The following PKHD1L1 variants were observed in gnomAD, a reference collection of about 807,000 sequenced individuals.
PKHD1L1 encodes PKHD1 like 1.
Under a neutral mutation model 462.9 loss-of-function variants are expected in PKHD1L1, and 434 were observed. The ratio of observed to expected loss-of-function variants is 0.94; its 90% CI spans 0.87 to 1.02. PKHD1L1 has a LOEUF of 1.02. Ranked by LOEUF, PKHD1L1 falls within the 50% of genes least tolerant of loss-of-function variation. PKHD1L1 has a pLI of 0.00. For missense variants in PKHD1L1, 5,202 were observed against 5,096.1 expected (o/e 1.02, Z -0.63); for synonymous variants, 1,781 against 1,750.0 (o/e 1.02, Z -0.44).
intron 19 of PKHD1L1, among the ~76,000 whole-genome samples, chr8:109,411,608 C>G (rs1468807335): frequency 6.6e-6 from 1 of 152,182 alleles, no homozygotes; most frequent in Non-Finnish European, 1.5e-5. Context: ...CATGCTGCAC[C>G]TAACCTTACA....
chr8:109,497,431 T>A (rs1819158536), intron 65 of PKHD1L1, among the ~76,000 whole-genome samples, 159 bp downstream of exon 65: 1 of 45,198 alleles, frequency 2.2e-5, no homozygotes, highest in African/African-American at 9.1e-5. Flanking sequence ...AAAACCGTTC[T>A]TTTTTTTTTT....
At chr8:109,376,392 G>A (rs184095026) in intron 2 of PKHD1L1, among the ~76,000 whole-genome samples, 8 of 152,264 alleles carry the variant, frequency 5.3e-5, no homozygotes, top group East Asian at 1.9e-4. Flanking sequence ...TCCAGGTGCC[G>A]TCTGTCACCC....
intron 51 of PKHD1L1, among the ~76,000 whole-genome samples, chr8:109,475,544 CTGAGAG>C (rs1817938232): frequency 6.6e-6 from 1 of 152,036 alleles, no homozygotes; most frequent in Non-Finnish European, 1.5e-5. Context: ...CTTACCTTTA[CTGAGAG>C]TTTATGATAT....
Position 109,413,473 on chromosome 8 carries a change from A to G in PKHD1L1, c.2288A>G (p.Gln763Arg). Reference protein sequence around the residue: ...FLANYIGLKFQYQDNSKITRS... With the variant: ...FLANYIGLKFRYQDNSKITRS... ...GCAAATTATATTGGTCTAAAATTTC[A>G]GTACCAAGACAATAGCAAGATTACT... Residue 763 changes from glutamine (Q) to arginine (R), a missense_variant, in exon 21 of 78, where the codon CAG becomes CGG. Gln to Arg is a conservative substitution (Grantham distance 43, BLOSUM62 1). Transcript: ENST00000378402. 2 of 1,581,714 alleles carry G rather than the reference A, an allele frequency of 1.3e-6. No homozygotes were observed. Among genetic ancestry groups the G allele is most frequent in the Non-Finnish European group, 1.7e-6 (2 of 1,162,072 alleles).
intron 7 of PKHD1L1, 37 bp downstream of exon 7, chr8:109,388,587 T>C (rs374764726): frequency 1.2e-5 from 16 of 1,361,146 alleles, no homozygotes; most frequent in Non-Finnish European, 1.5e-5. Context: ...CAAAAACAAA[T>C]AGCAGATATA....
At chr8:109,440,673 G>T in intron 32 of PKHD1L1, 37 bp from the exon 33 acceptor site, 1 of 1,581,278 alleles carries the variant, frequency 6.3e-7, no homozygotes, top group South Asian at 1.1e-5. Context: ...AAATCAGTAG[G>T]AAGCTCATTG....
At chr8:109,407,177 T>C (rs1358657661) in intron 17 of PKHD1L1, among the ~76,000 whole-genome samples, 1 of 152,150 alleles carries the variant, frequency 6.6e-6, no homozygotes, top group Non-Finnish European at 1.5e-5. Flanking sequence ...TGGGCAATCA[T>C]TGTTTTTCAA....
Position 109,522,998 on chromosome 8 carries a change from G to A in PKHD1L1, c.12330+108G>A, listed in dbSNP as rs189436843. On this transcript the variant is annotated intron_variant, in intron 75 of 77. Transcript: ENST00000378402. ...TGTGCTGGCAGCCTGAGGATCACAC[G>A]GCCCTTTCAGAAGTTGGACTAATAT... 4.4e-5 allele frequency: 54 copies of A among 1,224,844 alleles called. No homozygotes were observed. The East Asian group carries it at 1.0e-3, about 23-fold the overall frequency. 75.9% of individuals were successfully genotyped at this position (1,224,844 alleles called of 1,614,324 possible). A position where few individuals can be genotyped will look rare whatever the true frequency, so the allele number is the denominator to read the frequency against.
At chr8:109,523,851 C>A (rs927536775) in intron 76 of PKHD1L1, among the ~76,000 whole-genome samples, 2 of 152,164 alleles carry the variant, frequency 1.3e-5, no homozygotes, top group Non-Finnish European at 2.9e-5. Context: ...TACCCATCAA[C>A]TAAACAGATC....
intron 65 of PKHD1L1, 73 bp downstream of exon 65, chr8:109,497,345 T>A: frequency 6.6e-7 from 1 of 1,503,896 alleles, no homozygotes; most frequent in Non-Finnish European, 9.1e-7. Flanking sequence ...GAAGGACTAA[T>A]AAGAATAATC....
At chr8:109,426,355 G>A (rs554857992) in intron 24 of PKHD1L1, among the ~76,000 whole-genome samples, 1 of 151,912 alleles carries the variant, frequency 6.6e-6, no homozygotes, top group South Asian at 2.1e-4. Flanking sequence ...AAAATGAATT[G>A]ATATGAAAAT....
chr8:109,455,831 G>A (rs1416935859), intron 45 of PKHD1L1, among the ~76,000 whole-genome samples: 1 of 151,960 alleles, frequency 6.6e-6, no homozygotes, highest in African/African-American at 2.4e-5. Flanking sequence ...TATCATAAAA[G>A]TCCTACATAG....
At chr8:109,415,866 T>TGTGG (rs2130622593) in intron 21 of PKHD1L1, among the ~76,000 whole-genome samples, 1 of 74,894 alleles carries the variant, frequency 1.3e-5, no homozygotes, top group South Asian at 4.1e-4. Flanking sequence ...AAAAAAGGGG[T>TGTGG]GTGTGTGTGT....
Position 109,427,458 on chromosome 8 carries a change from G to C in PKHD1L1, c.3000+302G>C, listed in dbSNP as rs149077977. On this transcript the variant is annotated intron_variant, in intron 25 of 77. Transcript: ENST00000378402. Reference sequence around the variant, plus strand: ...TGGAGCGCAGTCAGGACCGGTCTCAGAACTAAACCGAACTAAATCCAGATG... The same window carrying C: ...TGGAGCGCAGTCAGGACCGGTCTCACAACTAAACCGAACTAAATCCAGATG... 4.4e-3 allele frequency among the ~76,000 whole-genome samples: 676 copies of C among 152,188 alleles called. 4 individuals are homozygous for C. The highest frequency in any genetic ancestry group is 0.016 in the African/African-American group (650 of 41,520).
Position 109,524,095 on chromosome 8 carries a change from T to C in PKHD1L1, c.12484+709T>C, listed in dbSNP as rs186296153. ...TCCAGATGATATATCCCTGAACAGA[T>C]CTCTCTTGGTGATAGAATGTAGAGT... On this transcript the variant is annotated intron_variant, in intron 76 of 77. Coordinates refer to ENST00000378402, the MANE Select transcript of PKHD1L1 (RefSeq NM_177531.6). Among the ~76,000 whole-genome samples the C allele has an allele frequency of 5.7e-4, 87 of 152,238 alleles. 1 individual carries two copies. The highest frequency in any genetic ancestry group is 3.7e-3 in the Admixed American group (56 of 15,282).
chr8:109,424,415 T>C (rs1455032028), intron 23 of PKHD1L1, among the ~76,000 whole-genome samples: 1 of 152,228 alleles, frequency 6.6e-6, no homozygotes, highest in African/African-American at 2.4e-5. Context: ...TTCTTGCTTA[T>C]GTCTTTTAGC....
In PKHD1L1 at chr8:109,464,784, T is replaced by C. The variant is rs922339466; in HGVS notation, c.7952T>C (p.Leu2651Pro). The change falls in exon 49 of 78, where the codon CTT becomes CCT. Residue 2651 changes from leucine to proline, a missense_variant. Transcript: ENST00000378402. The stretch of plus-strand genomic sequence containing the variant: ...CCTGCACCTGCAATATTTAACTCAC[T>C]TACTACTTGGAATTGTCAAAAAGGA... ...TVPAPAIFNSLTTWNCQKGAE... is the reference protein window; with the variant it reads ...TVPAPAIFNSPTTWNCQKGAE... The C allele has an allele frequency of 1.9e-6, 3 of 1,613,758 alleles. No homozygotes were observed. The highest frequency in any genetic ancestry group is 1.3e-5 in the African/African-American group (1 of 75,032).
chr8:109,401,986 T>C (rs1335648519), intron 14 of PKHD1L1, among the ~76,000 whole-genome samples: 2 of 152,178 alleles, frequency 1.3e-5, no homozygotes, highest in Non-Finnish European at 2.9e-5. Context: ...GTATTTGTTA[T>C]TAACTGGTTT....
At chr8:109,501,000 A>G (rs1188073507) in intron 67 of PKHD1L1, among the ~76,000 whole-genome samples, 1 of 152,158 alleles carries the variant, frequency 6.6e-6, no homozygotes, top group East Asian at 1.9e-4. Context: ...GACTCATAGA[A>G]CCTAAAATTT....
Sources: gnomAD v4.1 joint callset for allele counts (sites outside exome capture counted in the v4.1 genomes callset) on GRCh38, gnomAD v4.1.1 for gene constraint, MANE v1.5 for transcripts, NCBI Gene and HGNC (gene_info 2026-07-23, HGNC 2026-07-21) for gene names.